AFAP1L2: variants seen among roughly 807,000 people sequenced by gnomAD.
AFAP1L2 encodes actin filament-associated protein 1-like 2.
In AFAP1L2, 46 loss-of-function variants were observed where a neutral mutation model predicts 99.3. The observed-to-expected ratio is 0.46, with a 90% CI of 0.37 to 0.59. The LOEUF is 0.59. Among genes scored for constraint, AFAP1L2 ranks in the 20% least tolerant of loss-of-function variants. The probability of loss-of-function intolerance (pLI) is 0.00; values close to 1 mark genes in which losing one functional copy is unlikely to be tolerated. For missense variants in AFAP1L2, 959 were observed against 1,034.9 expected, an observed-to-expected ratio of 0.93 and a Z score of 1.01; for synonymous variants, 397 against 419.1, an observed-to-expected ratio of 0.95 and a Z score of 0.64.
intron 1 of AFAP1L2, among the ~76,000 whole-genome samples, chr10:114,349,186 C>T (rs146757856): frequency 5.3e-5 from 8 of 151,558 alleles, no homozygotes; most frequent in Admixed American, 1.3e-4. Flanking sequence ...GAGACCAGCC[C>T]GGCCAACATG....
At chr10:114,331,444 C>T (rs957095594) in intron 4 of AFAP1L2, among the ~76,000 whole-genome samples, 1 of 152,142 alleles carries the variant, frequency 6.6e-6, no homozygotes, top group African/African-American at 2.4e-5. Flanking sequence ...TACAGGTATG[C>T]ACCACTGCAC....
intron 10 of AFAP1L2, among the ~76,000 whole-genome samples, chr10:114,306,122 G>A (rs1382625626): frequency 0.5 from 150 of 298 alleles, 8 homozygotes; most frequent in African/African-American, 0.52. Flanking sequence ...CAGATGCCTG[G>A]AGGGATGCAG....
intron 4 of AFAP1L2, among the ~76,000 whole-genome samples, chr10:114,327,019 A>C (rs72826911): frequency 0.11 from 16,133 of 150,300 alleles, 942 homozygotes; most frequent in South Asian, 0.16. Flanking sequence ...TCACATGATT[A>C]AACAGACACA....
At chr10:114,394,410 G>A (rs2057471547) in intron 1 of AFAP1L2, among the ~76,000 whole-genome samples, 1 of 151,688 alleles carries the variant, frequency 6.6e-6, no homozygotes, top group African/African-American at 2.4e-5. Context: ...TATTTGAAAT[G>A]AGAGCCTGAG....
the AFAP1L2 span, chr10:114,288,910 G>C: frequency 6.3e-7 from 1 of 1,577,946 alleles, no homozygotes; most frequent in South Asian, 1.2e-5. Flanking sequence ...CACATCCACT[G>C]CTGAAGCCCC....
At chr10:114,404,342 T>C in intron 1 of AFAP1L2, 98 bp downstream of exon 1, 1 of 1,356,910 alleles carries the variant, frequency 7.4e-7, no homozygotes, top group Admixed American at 2.0e-5. Flanking sequence ...TGGGCTCTGC[T>C]TATCCCGAGT....
At chr10:114,296,301 G>A (rs2040218311) in intron 18 of AFAP1L2, 1 of 552,696 alleles carries the variant, frequency 1.8e-6, no homozygotes, top group South Asian at 2.4e-5. Context: ...CAGCAACAAG[G>A]GAGTGGAGGT....
chr10:114,282,479 T>C, the AFAP1L2 span: 1 of 1,583,758 alleles, frequency 6.3e-7, no homozygotes, highest in Non-Finnish European at 8.7e-7. Flanking sequence ...CCCTTACACC[T>C]CTGATCTGTC....
chr10:114,290,108 C>A (rs2039420008), downstream of AFAP1L2: 2 of 1,270,580 alleles, frequency 1.6e-6, no homozygotes, highest in Non-Finnish European at 2.2e-6. Flanking sequence ...GCAGCACCAA[C>A]CATGAGCTAC....
chr10:114,300,527 GTT>G lies in AFAP1L2; in HGVS notation c.1704_1705del (p.Thr569Ter). The G allele has an allele frequency of 6.2e-7, 1 of 1,614,204 alleles. No homozygotes were observed. Among genetic ancestry groups the G allele is most frequent in the Non-Finnish European group, 8.5e-7 (1 of 1,180,036 alleles). On this transcript the variant is annotated frameshift_variant, in exon 14 of 19. Coordinates refer to ENST00000304129, the MANE Select transcript of AFAP1L2 (RefSeq NM_001001936.3). LOFTEE classifies it high-confidence loss of function. Reference sequence around the variant, plus strand: ...GCCTGAGTCTGCCGGGAGGGCCTCAGTTGCATTGTCCAGGCAGGACAACGTCG... The same window carrying G: ...GCCTGAGTCTGCCGGGAGGGCCTCAGGCATTGTCCAGGCAGGACAACGTCG...
the AFAP1L2 span, chr10:114,284,829 G>C: frequency 6.4e-7 from 1 of 1,571,348 alleles, no homozygotes; most frequent in African/African-American, 1.4e-5. Flanking sequence ...TCTGTGCTGC[G>C]GTGCTTAGCG....
intron 2 of AFAP1L2, among the ~76,000 whole-genome samples, chr10:114,333,583 C>A (rs756540738): frequency 6.6e-6 from 1 of 152,046 alleles, no homozygotes; most frequent in Non-Finnish European, 1.5e-5. Flanking sequence ...TTTGGGAGGC[C>A]GAGGCAGGCG....
chr10:114,331,459 C>A (rs1354124259), intron 4 of AFAP1L2, among the ~76,000 whole-genome samples: 2 of 152,074 alleles, frequency 1.3e-5, no homozygotes, highest in Non-Finnish European at 2.9e-5. Context: ...CTGCACCTGG[C>A]TAGTGCAAAT....
At chr10:114,287,207 G>A in the AFAP1L2 span, among the ~76,000 whole-genome samples, 3 of 152,146 alleles carry the variant, frequency 2.0e-5, no homozygotes, top group South Asian at 6.2e-4. Context: ...TTGAGACAGG[G>A]TCTTGCTCTG....
At position 114,350,840 on chromosome 10, in the gene AFAP1L2, C is replaced by T. The variant is rs1048510339; in HGVS notation, c.17-10109G>A. Among the ~76,000 whole-genome samples the T allele has an allele frequency of 3.3e-5, 5 of 152,138 alleles. No individual in the cohort carries two copies. The East Asian group carries it at 5.8e-4, about 18-fold the overall frequency. On this transcript the variant is annotated intron_variant, in intron 1 of 18. Coordinates refer to ENST00000304129, the MANE Select transcript of AFAP1L2 (RefSeq NM_001001936.3). Reference sequence around the variant, plus strand: ...AGGCACTCCAGCAGTTCAGAGGGCACGTGAGGGCAGACTCAAGACACTCCA... The same window carrying T: ...AGGCACTCCAGCAGTTCAGAGGGCATGTGAGGGCAGACTCAAGACACTCCA...
At chr10:114,329,938 C>G (rs796986523) in intron 4 of AFAP1L2, among the ~76,000 whole-genome samples, 2 of 152,258 alleles carry the variant, frequency 1.3e-5, no homozygotes, top group African/African-American at 4.8e-5. Context: ...ATACCCATCC[C>G]TCGATGGGTG....
Position 114,307,684 on chromosome 10 carries a change from C to A in AFAP1L2, c.1072+121G>T, listed in dbSNP as rs1042058387. Reference sequence around the variant, plus strand: ...GGGAACCTGAGGGCTGCAGGCTCTCCATTCCTAGAGATGTTTACGGAAGAC... The same window carrying A: ...GGGAACCTGAGGGCTGCAGGCTCTCAATTCCTAGAGATGTTTACGGAAGAC... On this transcript the variant is annotated intron_variant, in intron 10 of 18. Coordinates refer to ENST00000304129, the MANE Select transcript of AFAP1L2 (RefSeq NM_001001936.3). 1.6e-5 allele frequency: 12 copies of A among 767,498 alleles called. No individual in the cohort carries two copies. In the African/African-American group the frequency reaches 2.1e-4, roughly 13 times the overall value. 47.5% of individuals were successfully genotyped at this position (767,498 alleles called of 1,614,324 possible). A position where few individuals can be genotyped will look rare whatever the true frequency, so the allele number is the denominator to read the frequency against.
intron 1 of AFAP1L2, among the ~76,000 whole-genome samples, chr10:114,345,579 G>A (rs1815327384): frequency 6.6e-6 from 1 of 152,206 alleles, no homozygotes; most frequent in Non-Finnish European, 1.5e-5. Flanking sequence ...CACAGCTGTG[G>A]GAATGGGCTA....
chr10:114,315,617 C>A lies in AFAP1L2; in HGVS notation c.555G>T (p.Lys185Asn). Residue 185 changes from lysine to asparagine, a missense_variant, in exon 6 of 19, where the codon AAG becomes AAT. Physicochemically the swap from Lys to Asn is moderately conservative, Grantham distance 94. This residue lies in a region of AFAP1L2 where 383 missense variants were observed against 472.8 expected (regional missense o/e 0.81). Coordinates refer to ENST00000304129, the MANE Select transcript of AFAP1L2 (RefSeq NM_001001936.3). ...DARICAFLWR[K>N]KWLGQWAKQL... ...GCTTGGCCCACTGTCCCAGCCACTT[C>A]TTGCGCCACAGGAAGGCGCAGATGC... 6.2e-7 allele frequency: 1 copy of A among 1,614,176 alleles called. No individual in the cohort carries two copies. Among genetic ancestry groups the A allele is most frequent in the East Asian group, 2.2e-5 (1 of 44,876 alleles).
Sources: allele counts gnomAD v4.1 joint callset (sites outside exome capture counted in the v4.1 genomes callset), GRCh38; gene constraint gnomAD v4.1.1; regional missense constraint gnomAD v4.1.1; transcripts MANE v1.5; gene names NCBI Gene and HGNC (gene_info 2026-07-23, HGNC 2026-07-21).